KLF12: variants seen among roughly 807,000 people sequenced by gnomAD.
The protein encoded by KLF12 is Krueppel-like factor 12.
A neutral mutation model predicts 37.8 loss-of-function variants in KLF12; 9 were observed. The observed-to-expected ratio is 0.24, with a 90% CI of 0.14 to 0.42. The LOEUF is 0.42. Ranked by LOEUF, KLF12 falls within the 10% of genes least tolerant of loss-of-function variation. The pLI is 1.00. For missense variants in KLF12, 411 were observed against 516.0 expected, an observed-to-expected ratio of 0.80 and a Z score of 1.97; for synonymous variants, 208 against 202.1, an observed-to-expected ratio of 1.03 and a Z score of -0.25.
chr13:73,898,592 ATCATGGAG>A (rs1887897517), intron 3 of KLF12, among the ~76,000 whole-genome samples: 1 of 152,304 alleles, frequency 6.6e-6, no homozygotes, highest in East Asian at 1.9e-4. Flanking sequence ...AAAAGAGTGA[ATCATGGAG>A]TCATGTGTCC....
At chr13:74,152,038 A>G in the KLF12 span, among the ~76,000 whole-genome samples, 284 of 152,294 alleles carry the variant, frequency 1.9e-3, no homozygotes, top group Non-Finnish European at 3.2e-3. Context: ...TTCTGGCAGT[A>G]TTTTCCAAGC....
chr13:74,110,542 CAG>C (rs1481645824), intron 1 of KLF12, among the ~76,000 whole-genome samples: 1 of 152,168 alleles, frequency 6.6e-6, no homozygotes, highest in Non-Finnish European at 1.5e-5. Flanking sequence ...ATGCTTTCTA[CAG>C]AGTTTTTCTG....
chr13:74,201,017 T>C, the KLF12 span, among the ~76,000 whole-genome samples: 2 of 152,180 alleles, frequency 1.3e-5, no homozygotes, highest in Non-Finnish European at 2.9e-5. Flanking sequence ...GCATAATCTT[T>C]TTGTTTTTTA....
the KLF12 span, among the ~76,000 whole-genome samples, chr13:74,288,798 G>A: frequency 6.6e-6 from 1 of 152,188 alleles, no homozygotes; most frequent in African/African-American, 2.4e-5. Flanking sequence ...CAGGGTGGCG[G>A]CAGGGCCGGT....
chr13:74,297,734 T>C, the KLF12 span, among the ~76,000 whole-genome samples: 14 of 152,200 alleles, frequency 9.2e-5, no homozygotes, highest in African/African-American at 3.4e-4. Context: ...CAGAGATTTC[T>C]ATAATTATAA....
chr13:73,771,223 G>T (rs9530237), intron 5 of KLF12, among the ~76,000 whole-genome samples: 102,384 of 152,036 alleles, frequency 0.67, 36,128 homozygotes, highest in Middle Eastern at 0.81. Context: ...TTTAGTTTAT[G>T]TAACCTGTCT....
the KLF12 span, among the ~76,000 whole-genome samples, chr13:74,224,040 T>A: frequency 1.3e-5 from 2 of 152,178 alleles, no homozygotes; most frequent in East Asian, 1.9e-4. Context: ...TCCTATTGTG[T>A]ATTTCCCCTA....
intron 7 of KLF12, among the ~76,000 whole-genome samples, chr13:73,710,189 A>G (rs1377769268): frequency 1.3e-5 from 2 of 152,194 alleles, no homozygotes; most frequent in Non-Finnish European, 2.9e-5. Context: ...CACACATACA[A>G]CATGGCATGT....
At chr13:74,037,331 T>A (rs1442074992) in intron 1 of KLF12, among the ~76,000 whole-genome samples, 1 of 152,010 alleles carries the variant, frequency 6.6e-6, no homozygotes, top group East Asian at 1.9e-4. Context: ...TAAACATGGA[T>A]CACTGTATCT....
At chr13:74,180,126 C>T in the KLF12 span, among the ~76,000 whole-genome samples, 7 of 152,166 alleles carry the variant, frequency 4.6e-5, no homozygotes, top group African/African-American at 7.2e-5. Flanking sequence ...GTGGAGCTAT[C>T]GTGCAATGCA....
At chr13:73,989,722 T>C (rs1891915120) in intron 2 of KLF12, among the ~76,000 whole-genome samples, 1 of 152,100 alleles carries the variant, frequency 6.6e-6, no homozygotes, top group South Asian at 2.1e-4. Flanking sequence ...TAGCCCCATA[T>C]AAAGATAAGC....
the KLF12 span, among the ~76,000 whole-genome samples, chr13:74,237,384 C>T: frequency 6.9e-6 from 1 of 144,218 alleles, no homozygotes; most frequent in Non-Finnish European, 1.5e-5. Flanking sequence ...GTGATGCCTC[C>T]AGCTTTGTTC....
chr13:73,862,011 A>G (rs1335181143), intron 3 of KLF12, among the ~76,000 whole-genome samples: 1 of 151,494 alleles, frequency 6.6e-6, no homozygotes, highest in Non-Finnish European at 1.5e-5. Context: ...TAGTTTTCAT[A>G]GATTTGCTTA....
intron 2 of KLF12, among the ~76,000 whole-genome samples, chr13:73,970,025 C>T (rs17061811): frequency 6.6e-6 from 1 of 152,064 alleles, no homozygotes; most frequent in African/African-American, 2.4e-5. Flanking sequence ...CTTGTTGTTT[C>T]ACCTCCTCAT....
intron 1 of KLF12, among the ~76,000 whole-genome samples, chr13:74,009,344 T>C (rs1892489909): frequency 6.6e-6 from 1 of 152,210 alleles, no homozygotes. Context: ...TTTATACACA[T>C]TATGTTAAGT....
At chr13:74,286,076 A>G in the KLF12 span, among the ~76,000 whole-genome samples, 1 of 152,310 alleles carries the variant, frequency 6.6e-6, no homozygotes, top group Non-Finnish European at 1.5e-5. Context: ...TCTATCTTCC[A>G]AAGGATAACT....
chr13:73,825,169 A>C (rs1883768002), intron 4 of KLF12, among the ~76,000 whole-genome samples: 1 of 151,948 alleles, frequency 6.6e-6, no homozygotes, highest in African/African-American at 2.4e-5. Flanking sequence ...TGCCCCTGTT[A>C]TGATAAATTG....
intron 2 of KLF12, among the ~76,000 whole-genome samples, chr13:73,994,471 CCCA>C (rs1349215715): frequency 2.7e-5 from 4 of 146,620 alleles, no homozygotes; most frequent in Admixed American, 6.8e-5. Flanking sequence ...CAGCGCCCCC[CCCA>C]CCACCACACT....
At chr13:74,088,287 C>T (rs139216099) in intron 1 of KLF12, among the ~76,000 whole-genome samples, 2 of 151,142 alleles carry the variant, frequency 1.3e-5, no homozygotes, top group East Asian at 3.9e-4. Flanking sequence ...TTTTTTGAGA[C>T]AGTCTTGCGC....
Sources: allele counts gnomAD v4.1 joint callset (sites outside exome capture counted in the v4.1 genomes callset), GRCh38; gene constraint gnomAD v4.1.1; transcripts MANE v1.5; gene names NCBI Gene and HGNC (gene_info 2026-07-23, HGNC 2026-07-21).